Variants in APOO observed in about 807,000 individuals in gnomAD.
APOO encodes the protein apolipoprotein O, also known as MICOS complex subunit MIC26.
APOO carries 11 observed loss-of-function variants against 23.1 expected under a neutral mutation model. That is an observed-to-expected ratio of 0.48 (90% CI 0.30 to 0.79). The LOEUF (loss-of-function observed/expected upper bound fraction) is 0.79, where lower values mean the gene tolerates loss of function less well. Among genes scored for constraint, APOO ranks in the 30% least tolerant of loss-of-function variants. The pLI is 0.07. For missense variants in APOO, 160 were observed against 142.7 expected, an observed-to-expected ratio of 1.12 and a Z score of -0.62; for synonymous variants, 59 against 54.8, an observed-to-expected ratio of 1.08 and a Z score of -0.34.
At chrX:23,898,908 G>C (rs920070763) in intron 1 of APOO, among the ~76,000 whole-genome samples, 4 of 112,290 alleles carry the variant, frequency 3.6e-5, no homozygotes, top group African/African-American at 3.2e-5. Context: ...TTGTGGAATG[G>C]GGGAAAAGAA....
intron 1 of APOO, among the ~76,000 whole-genome samples, chrX:23,890,543 T>G (rs961320321): frequency 8.0e-5 from 9 of 112,505 alleles, no homozygotes; most frequent in Non-Finnish European, 1.3e-4. Context: ...TGGTTCAACC[T>G]TACATGGTGC....
intron 1 of APOO, among the ~76,000 whole-genome samples, chrX:23,904,599 C>T (rs1331172784): frequency 9.4e-6 from 1 of 106,359 alleles, no homozygotes; most frequent in Non-Finnish European, 1.9e-5. Flanking sequence ...CTCCGCCTCC[C>T]GGGTTCTTGC....
At chrX:23,872,523 A>T (rs1372819334) in intron 4 of APOO, among the ~76,000 whole-genome samples, 7 of 96,272 alleles carry the variant, frequency 7.3e-5, no homozygotes, top group Non-Finnish European at 1.0e-4. Flanking sequence ...ATGAGAATTT[A>T]TATATATATA....
chrX:23,853,914 C>T (rs144459621), intron 7 of APOO, among the ~76,000 whole-genome samples: 46 of 111,380 alleles, frequency 4.1e-4, no homozygotes, highest in African/African-American at 1.5e-3. Flanking sequence ...GGATTTCAGG[C>T]ATGAGCCACT....
At chrX:23,888,765 G>A (rs1000257281) in intron 1 of APOO, among the ~76,000 whole-genome samples, 2 of 100,290 alleles carry the variant, frequency 2.0e-5, no homozygotes, top group East Asian at 3.5e-4. Context: ...CAAGAGAATC[G>A]TTTGAACCTG....
intron 5 of APOO, among the ~76,000 whole-genome samples, chrX:23,859,039 G>A (rs1377359986): frequency 2.7e-5 from 3 of 111,276 alleles, no homozygotes; most frequent in Non-Finnish European, 3.8e-5. Context: ...CCAGGAGTTC[G>A]AGGTTACAAT....
intron 1 of APOO, among the ~76,000 whole-genome samples, chrX:23,898,003 A>AG (rs1418525181): frequency 1.8e-5 from 2 of 108,430 alleles, no homozygotes; most frequent in Non-Finnish European, 3.8e-5. Context: ...TCAAAAAAAA[A>AG]AAAAAAAATC....
chrX:23,900,118 T>G (rs1397755781), intron 1 of APOO, among the ~76,000 whole-genome samples: 2 of 112,462 alleles, frequency 1.8e-5, no homozygotes, highest in Non-Finnish European at 3.8e-5. Flanking sequence ...AGAATTCATT[T>G]CCAAATGAGA....
chrX:23,904,119 T>C (rs1927247970), intron 1 of APOO, among the ~76,000 whole-genome samples: 1 of 111,699 alleles, frequency 9.0e-6, no homozygotes, highest in South Asian at 3.7e-4. Flanking sequence ...CTAACTCATA[T>C]CTCATCTAGC....
intron 4 of APOO, among the ~76,000 whole-genome samples, chrX:23,874,135 T>C (rs925543158): frequency 9.0e-5 from 10 of 111,429 alleles, no homozygotes; most frequent in African/African-American, 2.9e-4. Context: ...GAAATGAGAT[T>C]TCTTTTTTTT....
intron 7 of APOO, among the ~76,000 whole-genome samples, chrX:23,844,019 T>G (rs1313995217): frequency 8.9e-6 from 1 of 112,198 alleles, no homozygotes; most frequent in African/African-American, 3.2e-5. Flanking sequence ...TACTGAAATG[T>G]CTGACTCCCT....
chrX:23,856,212 A>G, intron 7 of APOO, 90 bp downstream of exon 7: 1 of 933,921 alleles, frequency 1.1e-6, no homozygotes, highest in Non-Finnish European at 1.5e-6. Context: ...AAAAAGCAAT[A>G]AATCAACAGG....
chrX:23,883,360 AG>A (rs1370557629), intron 1 of APOO: 1 of 111,675 alleles, frequency 9.0e-6, no homozygotes, highest in Non-Finnish European at 1.9e-5. Flanking sequence ...ACAACATACC[AG>A]CAGAAGAACA....
At chrX:23,875,110 C>A (rs922221819) in intron 3 of APOO, among the ~76,000 whole-genome samples, 1 of 109,557 alleles carries the variant, frequency 9.1e-6, no homozygotes, top group East Asian at 2.9e-4. Flanking sequence ...ATTAGCCGGG[C>A]GTGGTGGCAC....
intron 7 of APOO, among the ~76,000 whole-genome samples, chrX:23,841,626 A>G (rs1346216770): frequency 9.1e-6 from 1 of 110,016 alleles, no homozygotes; most frequent in African/African-American, 3.3e-5. Flanking sequence ...TACAATTCTC[A>G]GGTCTACTTG....
At chrX:23,863,741 TGAA>T (rs748031057) in intron 5 of APOO, among the ~76,000 whole-genome samples, 1 of 110,526 alleles carries the variant, frequency 9.0e-6, no homozygotes, top group South Asian at 3.9e-4. Flanking sequence ...CAAGAAAGTG[TGAA>T]GAAGACCAGT....
intron 6 of APOO, among the ~76,000 whole-genome samples, chrX:23,857,173 A>G (rs1313069050): frequency 9.2e-6 from 1 of 108,156 alleles, no homozygotes; most frequent in Non-Finnish European, 1.9e-5. Context: ...TAATCTGTAC[A>G]CCAAACCCTC....
At chrX:23,845,453 A>T (rs1415307012) in intron 7 of APOO, among the ~76,000 whole-genome samples, 1 of 112,016 alleles carries the variant, frequency 8.9e-6, no homozygotes, top group Non-Finnish European at 1.9e-5. Context: ...AGGGGTCTGT[A>T]GAACTTATTC....
chrX:23,892,545 A>G (rs1012044478), intron 1 of APOO, among the ~76,000 whole-genome samples: 1 of 110,241 alleles, frequency 9.1e-6, no homozygotes, highest in Non-Finnish European at 1.9e-5. Flanking sequence ...CAAGGTGGGC[A>G]GTTCACGAGG....
Sources: gnomAD v4.1 joint callset for allele counts (sites outside exome capture counted in the v4.1 genomes callset) on GRCh38, gnomAD v4.1.1 for gene constraint, MANE v1.5 for transcripts, NCBI Gene and HGNC (gene_info 2026-07-23, HGNC 2026-07-21) for gene names.